Variants in KCNAB3 observed in about 807,000 individuals in gnomAD.
KCNAB3 encodes potassium voltage-gated channel subfamily A regulatory beta subunit 3.
A neutral mutation model predicts 67.7 loss-of-function variants in KCNAB3; 62 were observed. The ratio of observed to expected loss-of-function variants is 0.92; its 90% CI spans 0.75 to 1.13. The LOEUF (loss-of-function observed/expected upper bound fraction) is 1.13. Ranked by LOEUF, KCNAB3 falls within the 50% of genes most tolerant of loss-of-function variation. The probability of loss-of-function intolerance (pLI) is 0.00; values close to 1 mark genes in which losing one functional copy is unlikely to be tolerated. For synonymous variants in KCNAB3, 212 were observed against 205.4 expected (o/e 1.03, Z -0.27); for missense variants, 514 against 522.9 (o/e 0.98, Z 0.17).
intron 5 of KCNAB3, 27 bp from the exon 6 acceptor site, chr17:7,926,002 G>C: frequency 6.2e-7 from 1 of 1,614,132 alleles, no homozygotes; most frequent in South Asian, 1.1e-5. Context: ...GGGAGAACCA[G>C]TAAGAAAAGG....
rs1299731506 is a variant in KCNAB3, at chr17:7,929,413, GTACACGCGA to G, written c.14_22del (p.Ile5_Cys7del). 6.5e-7 allele frequency: 1 copy of G among 1,548,072 alleles called. No homozygotes were observed. Among genetic ancestry groups the G allele is most frequent in the Admixed American group, 2.0e-5 (1 of 50,980 alleles). On this transcript the variant is annotated inframe_deletion, in exon 1 of 14. Coordinates refer to ENST00000303790, the MANE Select transcript of KCNAB3 (RefSeq NM_004732.4). This position sits in a 1 kb window ranked among gnomAD's most constrained non-coding sequence, Gnocchi z 5.7. ...GCTCCGGCTGCGAAGGTTCTGCTCGGTACACGCGATAGACACCTGCATGCTGGCTGGCCG... is the reference window on the plus strand; with the variant it reads ...GCTCCGGCTGCGAAGGTTCTGCTCGGTAGACACCTGCATGCTGGCTGGCCG...
chr17:7,924,981 A>G (rs1251501673), intron 8 of KCNAB3, 116 bp downstream of exon 8: 2 of 887,224 alleles, frequency 2.3e-6, no homozygotes, highest in South Asian at 1.5e-5. Flanking sequence ...CCAGGCCCCA[A>G]GTGATCCTCC....
chr17:7,929,835 G>GATATTT lies in KCNAB3; in HGVS notation c.-401_-400insAAATAT. On this transcript the variant is annotated 5_prime_UTR_variant, in exon 1 of 14. Transcript: ENST00000303790. The surrounding 1 kb of genome is among the most constrained non-coding windows in gnomAD (Gnocchi z 5.7). ...TGCGGGACCCGCTGGGCTCCCAGCC[G>GATATTT]CGTCGGCAGCGGGCCCAGCTCATCA... 2 of 1,029,898 alleles carry GATATTT rather than the reference G, an allele frequency of 1.9e-6. No homozygotes were observed. Among genetic ancestry groups the GATATTT allele is most frequent in the Non-Finnish European group, 2.3e-6 (2 of 857,820 alleles). 63.8% of individuals were successfully genotyped at this position (1,029,898 alleles called of 1,614,324 possible).
chr17:7,923,046 A>AGCGGGGCTCGG lies in KCNAB3; in HGVS notation c.*45_*55dup, dbSNP rs1035280314. The AGCGGGGCTCGG allele has an allele frequency of 1.4e-5, 22 of 1,537,704 alleles. No individual in the cohort carries two copies. Among genetic ancestry groups the AGCGGGGCTCGG allele is most frequent in the South Asian group, 1.3e-4 (12 of 89,402 alleles). On this transcript the variant is annotated 3_prime_UTR_variant, in exon 14 of 14. Transcript: ENST00000303790. ...CGGAGCGGGAGAGGCGGCTGCGAGG[A>AGCGGGGCTCGG]GCGGGGCTCGGGCGGGTGCAGCGAC...
Position 7,923,114 on chromosome 17 carries a change from A to T in KCNAB3, c.1203T>A (p.His401Gln), listed in dbSNP as rs750412738. ...CGCCCGCGACAGACTACTTCTTGGA[A>T]TGCGGCTTGTTTCCCAGGAGCCCGT... is the stretch of plus-strand genomic sequence containing the variant. ...EIDGLLGNKP[H>Q]SKK Residue 401 changes from histidine (H) to glutamine (Q), a missense_variant, in exon 14 of 14, where the codon CAT (histidine) becomes CAA (glutamine). His to Gln is a conservative substitution (Grantham distance 24, BLOSUM62 0). Transcript: ENST00000303790. 11 of 1,614,154 alleles carry T rather than the reference A, an allele frequency of 6.8e-6. No individual in the cohort carries two copies. In the South Asian group the frequency reaches 1.2e-4, roughly 18 times the overall value.
Position 7,923,047 on chromosome 17 carries a change from G to C in KCNAB3, c.*55C>G, listed in dbSNP as rs577887417. The C allele has an allele frequency of 5.9e-5, 91 of 1,540,958 alleles. No homozygotes were observed. Among genetic ancestry groups the C allele is most frequent in the Non-Finnish European group, 8.1e-6 (9 of 1,114,256 alleles). On this transcript the variant is annotated 3_prime_UTR_variant, in exon 14 of 14. Transcript: ENST00000303790. ...GGAGCGGGAGAGGCGGCTGCGAGGA[G>C]CGGGGCTCGGGCGGGTGCAGCGACA...
chr17:7,925,780 C>T, intron 6 of KCNAB3, 54 bp from the exon 7 acceptor site: 9 of 1,610,658 alleles, frequency 5.6e-6, no homozygotes, highest in Non-Finnish European at 7.6e-6. Context: ...GGGACCGGGG[C>T]TGGCTTGGAG....
rs371543026 is a variant in KCNAB3, at chr17:7,925,331, C to T, written c.539-148G>A. ...TCACCTGAGGTCAGGAGTTTGAGAC[C>T]AGCCTGGCTAACGTGGTGAAACCCC... On this transcript the variant is annotated intron_variant, in intron 7 of 13. Coordinates refer to ENST00000303790, the MANE Select transcript of KCNAB3 (RefSeq NM_004732.4). 1.0e-3 allele frequency: 638 copies of T among 619,914 alleles called. 7 individuals carry two copies. Among genetic ancestry groups the T allele is most frequent in the South Asian group, 9.7e-3 (556 of 57,122 alleles). The allele number at this position is 619,914 out of a possible 1,614,324, so 38.4% of individuals were successfully genotyped here. A position where few individuals can be genotyped will look rare whatever the true frequency, so the allele number is the denominator to read the frequency against.
In KCNAB3 at chr17:7,929,644, T is replaced by G. The variant is rs1321133771; in HGVS notation, c.-209A>C. On this transcript the variant is annotated 5_prime_UTR_variant, in exon 1 of 14. Coordinates refer to ENST00000303790, the MANE Select transcript of KCNAB3 (RefSeq NM_004732.4). This position sits in a 1 kb window ranked among gnomAD's most constrained non-coding sequence, Gnocchi z 5.7. ...GGTTTGCGGCGGGAGGGAAGAAACG[T>G]GGGGGGCGCCAGGAGTGGAGATATT... 205 of 1,341,250 alleles carry G rather than the reference T, an allele frequency of 1.5e-4. 1 individual carries two copies. In the African/African-American group the frequency reaches 1.7e-3, roughly 11 times the overall value. The allele number at this position is 1,341,250 out of a possible 1,614,324, so 83.1% of individuals were successfully genotyped here.
chr17:7,925,086 G>C lies in KCNAB3; in HGVS notation c.625+11C>G. ...TTGAAGGACTGTAAGGTTTGGGGGTGCTGCTTTTACCCTCCATAGGACAGT... is the reference window on the plus strand; with the variant it reads ...TTGAAGGACTGTAAGGTTTGGGGGTCCTGCTTTTACCCTCCATAGGACAGT... On this transcript the variant is annotated intron_variant, in intron 8 of 13. Transcript: ENST00000303790. 2.7e-5 allele frequency: 43 copies of C among 1,611,904 alleles called. No homozygotes were observed. Among genetic ancestry groups the C allele is most frequent in the Non-Finnish European group, 3.6e-5 (43 of 1,178,290 alleles).
chr17:7,927,434 G>A lies in KCNAB3; in HGVS notation c.325-11C>T, dbSNP rs1173878504. 1.2e-6 allele frequency: 2 copies of A among 1,613,130 alleles called. No homozygotes were observed. Among genetic ancestry groups the A allele is most frequent in the South Asian group, 2.2e-5 (2 of 91,078 alleles). On this transcript the variant is annotated splice_polypyrimidine_tract_variant and intron_variant, in intron 3 of 13. Coordinates refer to ENST00000303790, the MANE Select transcript of KCNAB3 (RefSeq NM_004732.4). ...CACATCCTCTGCTGTCTAGGGAGGT[G>A]AAAGAGGTAAAGATCAACTACTGCT...
At position 7,922,987 on chromosome 17, in the gene KCNAB3, G is replaced by C. The variant is rs1001691331; in HGVS notation, c.*115C>G. 2.7e-5 allele frequency: 25 copies of C among 933,450 alleles called. No individual in the cohort carries two copies. Among genetic ancestry groups the C allele is most frequent in the Admixed American group, 1.4e-4 (8 of 55,930 alleles). 57.8% of individuals were successfully genotyped at this position (933,450 alleles called of 1,614,324 possible). On this transcript the variant is annotated 3_prime_UTR_variant, in exon 14 of 14. Transcript: ENST00000303790. ...AAGCCGGGACTCGTTGGTGGGCGGG[G>C]CTAGTCTGGCTCCGGCCGCTGCGTG...
Position 7,924,469 on chromosome 17 carries a change from G to C in KCNAB3, c.657C>G (p.Asn219Lys). The C allele has an allele frequency of 6.2e-7, 1 of 1,614,118 alleles. No homozygotes were observed. ...EIVRAMTYVI[N>K]QGLALYWGTS... is the part of the protein sequence containing the mutation. Reference sequence around the variant, plus strand: ...TCCCCCAGTATAGGGCCAGGCCCTGGTTGATGACATAGGTCATGGCTCGCA... The same window carrying C: ...TCCCCCAGTATAGGGCCAGGCCCTGCTTGATGACATAGGTCATGGCTCGCA... Residue 219 changes from asparagine (N) to lysine (K), a missense_variant, in exon 9 of 14, where the codon AAC (asparagine) becomes AAG (lysine). Asn to Lys is a moderately conservative substitution (Grantham distance 94). Coordinates refer to ENST00000303790, the MANE Select transcript of KCNAB3 (RefSeq NM_004732.4).
Position 7,929,238 on chromosome 17 carries a change from C to A in KCNAB3, c.198G>T (p.Gly66=). 6.2e-7 allele frequency: 1 copy of A among 1,610,336 alleles called. No individual in the cohort carries two copies. The highest frequency in any genetic ancestry group is 8.5e-7 in the Non-Finnish European group (1 of 1,178,906). ...ALVPRPPAPA[G]ALRESTGRGT... The stretch of plus-strand genomic sequence containing the variant: ...CTCGGCCGGTGCTCTCTCGGAGGGC[C>A]CCAGCGGGCGCTGGGGGTCGGGGAA... Residue 66 remains glycine (G), a synonymous_variant, in exon 1 of 14, where the codon GGG becomes GGT. Coordinates refer to ENST00000303790, the MANE Select transcript of KCNAB3 (RefSeq NM_004732.4). This position sits in a 1 kb window ranked among gnomAD's most constrained non-coding sequence, Gnocchi z 5.7.
At position 7,922,507 on chromosome 17, in the gene KCNAB3, TGCCAC is replaced by T. The variant is rs1972067390; in HGVS notation, c.*590_*594del. On this transcript the variant is annotated 3_prime_UTR_variant, in exon 14 of 14. Transcript: ENST00000303790. ...TTTCCCTCTACCTTTGTCAGTGCTG[TGCCAC>T]TGTAGACCCCACCCTGACCGCCCTC... 6.5e-6 allele frequency: 1 copy of T among 154,594 alleles called. No homozygotes were observed. Among genetic ancestry groups the T allele is most frequent in the African/African-American group, 2.4e-5 (1 of 41,470 alleles). The allele number at this position is 154,594 out of a possible 1,614,324, so 9.6% of individuals were successfully genotyped here.
chr17:7,927,585 A>G (rs1159198712), intron 3 of KCNAB3, 72 bp downstream of exon 3: 1 of 1,584,120 alleles, frequency 6.3e-7, no homozygotes. Context: ...CCAAACCCCT[A>G]TCCAGGTTCA....
chr17:7,924,768 G>T (rs909329141), intron 8 of KCNAB3: 1 of 1,058,354 alleles, frequency 9.4e-7, no homozygotes, highest in Non-Finnish European at 1.3e-6. Flanking sequence ...TTTGAGACAG[G>T]GTCTCACTCT....
intron 1 of KCNAB3, among the ~76,000 whole-genome samples, chr17:7,928,713 C>T (rs1972319197): frequency 1.3e-5 from 2 of 152,210 alleles, no homozygotes; most frequent in Non-Finnish European, 2.9e-5. Context: ...CCATCCTTCC[C>T]ACCGGCCCCA....
In KCNAB3 at chr17:7,929,156, G is replaced by T. The variant is rs747905564; in HGVS notation, c.242+38C>A. ...CAAGCAGTCTCAGGGGTCCCGAAAG[G>T]AAAGCGGAAGGGGTGGGCTGCCCGG... On this transcript the variant is annotated intron_variant, in intron 1 of 13. Transcript: ENST00000303790. The surrounding 1 kb of genome is among the most constrained non-coding windows in gnomAD (Gnocchi z 5.7). 25 of 1,606,246 alleles carry T rather than the reference G, an allele frequency of 1.6e-5. No homozygotes were observed. The Middle Eastern group carries it at 5.0e-4, about 32-fold the overall frequency.
Sources: allele counts gnomAD v4.1 joint callset (sites outside exome capture counted in the v4.1 genomes callset), GRCh38; gene constraint gnomAD v4.1.1; non-coding constraint Gnocchi (gnomAD v3.1); transcripts MANE v1.5; gene names NCBI Gene and HGNC (gene_info 2026-07-23, HGNC 2026-07-21).